The following HEBP2 variants were observed in gnomAD, a reference collection of about 807,000 sequenced individuals.
The protein encoded by HEBP2 is heme binding protein 2, also known as heme-binding protein 2.
Under a neutral mutation model 23.1 loss-of-function variants are expected in HEBP2, and 27 were observed. The ratio of observed to expected loss-of-function variants is 1.17; its 90% CI spans 0.86 to 1.61. The LOEUF (loss-of-function observed/expected upper bound fraction) is 1.61. Ranked by LOEUF, HEBP2 falls within the 40% of genes most tolerant of loss-of-function variation. HEBP2 has a pLI of 0.00. For missense variants in HEBP2, 245 were observed against 253.8 expected, an observed-to-expected ratio of 0.97 and a Z score of 0.24; for synonymous variants, 99 against 95.1, an observed-to-expected ratio of 1.04 and a Z score of -0.24.
upstream of HEBP2, chr6:138,404,115 A>C (rs1158712776): frequency 2.8e-5 from 6 of 215,922 alleles, no homozygotes; most frequent in Non-Finnish European, 4.5e-5. Flanking sequence ...AAACAGCGCC[A>C]CCCCCTACTG....
Position 138,404,339 on chromosome 6 carries a change from T to G in HEBP2, c.-157T>G. 2.6e-6 allele frequency: 1 copy of G among 392,032 alleles called. No individual in the cohort carries two copies. Among genetic ancestry groups the G allele is most frequent in the Non-Finnish European group, 4.2e-6 (1 of 235,450 alleles). 24.3% of individuals were successfully genotyped at this position (392,032 alleles called of 1,614,324 possible). A position where few individuals can be genotyped will look rare whatever the true frequency, so the allele number is the denominator to read the frequency against. The stretch of plus-strand genomic sequence containing the variant: ...CCCTCGCGGTCCAGAGGCAGACGCA[T>G]CGGGTGGGCTCGGGTCTCCAGCCCG... On this transcript the variant is annotated 5_prime_UTR_variant, in exon 1 of 4. Coordinates refer to ENST00000607197, the MANE Select transcript of HEBP2 (RefSeq NM_014320.3).
chr6:138,412,905 C>CAAAAG lies in HEBP2; in HGVS notation c.448_452dup (p.Asn151LysfsTer8). On this transcript the variant is annotated frameshift_variant, in exon 4 of 4. Coordinates refer to ENST00000607197, the MANE Select transcript of HEBP2 (RefSeq NM_014320.3). LOFTEE classifies it high-confidence loss of function. ...GTCTTTCGATGGATTTTCTAGTGCC[C>CAAAAG]AAAAGAATCAAGAACAACTTTTGAC... 6.2e-7 allele frequency: 1 copy of CAAAAG among 1,613,800 alleles called. No homozygotes were observed. Among genetic ancestry groups the CAAAAG allele is most frequent in the South Asian group, 1.1e-5 (1 of 91,052 alleles).
At position 138,416,319 on chromosome 6, in the gene HEBP2, CTGAA is replaced by C. The variant is rs1336605075; in HGVS notation, c.*3244_*3247del. On this transcript the variant is annotated 3_prime_UTR_variant, in exon 4 of 4. Transcript: ENST00000607197. ...AAGAGTGATCAAAATGTTGAAATGC[CTGAA>C]TGGCTGGGACAAACAATAGAGAAAG... 6.6e-6 allele frequency: 1 copy of C among 152,284 alleles called. No individual in the cohort carries two copies. The allele number at this position is 152,284 out of a possible 1,614,324, so 9.4% of individuals were successfully genotyped here.
intron 2 of HEBP2, 107 bp from the exon 3 acceptor site, chr6:138,405,864 A>G: frequency 1.1e-6 from 1 of 902,544 alleles, no homozygotes; most frequent in Non-Finnish European, 1.7e-6. Context: ...AAAGGTAAAT[A>G]TGTCAACAAT....
chr6:138,406,200 G>C (rs372293964), intron 3 of HEBP2, 49 bp downstream of exon 3: 8 of 1,508,720 alleles, frequency 5.3e-6, no homozygotes, highest in Non-Finnish European at 5.5e-6. Flanking sequence ...TTTTACTTGC[G>C]TGCACTCACA....
rs372443357 is a variant in HEBP2, at chr6:138,421,282, C to T, written c.*8204C>T. The T allele has an allele frequency of 7.2e-5, 11 of 152,316 alleles. No homozygotes were observed. In the East Asian group the frequency reaches 2.1e-3, roughly 29 times the overall value. The allele number at this position is 152,316 out of a possible 1,614,324, so 9.4% of individuals were successfully genotyped here. ...CCAAGAAAGCCACTCTTTCCCCTCT[C>T]CTCCTAAGATGCCACCACAGAGCAG... On this transcript the variant is annotated 3_prime_UTR_variant, in exon 4 of 4. Transcript: ENST00000607197.
chr6:138,409,487 A>G (rs890605908), intron 3 of HEBP2, among the ~76,000 whole-genome samples: 1 of 152,206 alleles, frequency 6.6e-6, no homozygotes, highest in African/African-American at 2.4e-5. Flanking sequence ...GCACTAAGTC[A>G]TCTTTGTGTA....
rs1297736361 is a variant in HEBP2, at chr6:138,420,899, AACC to A, written c.*7824_*7826del. On this transcript the variant is annotated 3_prime_UTR_variant, in exon 4 of 4. Coordinates refer to ENST00000607197, the MANE Select transcript of HEBP2 (RefSeq NM_014320.3). ...GGATCATGCCCCTCACTGATAGCTC[AACC>A]ACGTTTTCTATCTTTGGGCCTCCTT... 2.6e-5 allele frequency: 4 copies of A among 152,210 alleles called. No individual in the cohort carries two copies. Among genetic ancestry groups the A allele is most frequent in the African/African-American group, 9.7e-5 (4 of 41,446 alleles). The allele number at this position is 152,210 out of a possible 1,614,324, so 9.4% of individuals were successfully genotyped here.
intron 2 of HEBP2, among the ~76,000 whole-genome samples, 189 bp downstream of exon 2, chr6:138,405,469 C>A (rs1274478240): frequency 2.6e-5 from 4 of 152,166 alleles, no homozygotes; most frequent in African/African-American, 7.2e-5. Flanking sequence ...AACCTCTGTT[C>A]TCTGATTTTG....
chr6:138,411,166 C>A (rs958434153), intron 3 of HEBP2, among the ~76,000 whole-genome samples: 2 of 152,234 alleles, frequency 1.3e-5, no homozygotes, highest in African/African-American at 4.8e-5. Context: ...TGCATGTCAG[C>A]AGCTCAGCTA....
rs1054097961 is a variant in HEBP2 at position 138,422,112 on chromosome 6, T to A, written c.*9034T>A. 1 of 152,260 alleles carries A rather than the reference T, an allele frequency of 6.6e-6. No homozygotes were observed. Among genetic ancestry groups the A allele is most frequent in the Non-Finnish European group, 1.5e-5 (1 of 68,050 alleles). 9.4% of individuals were successfully genotyped at this position (152,260 alleles called of 1,614,324 possible). A position where few individuals can be genotyped will look rare whatever the true frequency, so the allele number is the denominator to read the frequency against. On this transcript the variant is annotated 3_prime_UTR_variant, in exon 4 of 4. Coordinates refer to ENST00000607197, the MANE Select transcript of HEBP2 (RefSeq NM_014320.3). The stretch of plus-strand genomic sequence containing the variant: ...TATATTTTTCATTAAAAATGGGGAT[T>A]TAAAAATAGTTTTATAATTAGTGTT...
intron 3 of HEBP2, among the ~76,000 whole-genome samples, chr6:138,409,534 A>T (rs1266768241): frequency 6.6e-6 from 1 of 152,098 alleles, no homozygotes; most frequent in Non-Finnish European, 1.5e-5. Flanking sequence ...TTCCCAATAG[A>T]TACTGGGATG....
In HEBP2 at chr6:138,412,868, T is replaced by C. The variant is rs1774772230; in HGVS notation, c.420-12T>C. On this transcript the variant is annotated splice_polypyrimidine_tract_variant and intron_variant, in intron 3 of 3. Coordinates refer to ENST00000607197, the MANE Select transcript of HEBP2 (RefSeq NM_014320.3). ...TAAAATCATTCACGGTTATTTCCTT[T>C]CTCCTTTGTAGGTCTTTCGATGGAT... The C allele has an allele frequency of 6.2e-7, 1 of 1,607,414 alleles. No homozygotes were observed. Among genetic ancestry groups the C allele is most frequent in the African/African-American group, 1.3e-5 (1 of 74,750 alleles).
intron 2 of HEBP2, 23 bp downstream of exon 2, chr6:138,405,303 T>A (rs760820438): frequency 6.2e-7 from 1 of 1,613,802 alleles, no homozygotes; most frequent in East Asian, 2.2e-5. Flanking sequence ...TTCCTTGTAA[T>A]TATGCATATT....
intron 3 of HEBP2, among the ~76,000 whole-genome samples, chr6:138,411,511 A>G (rs554325949): frequency 5.3e-5 from 8 of 152,216 alleles, no homozygotes; most frequent in Admixed American, 2.0e-4. Context: ...AACACTTGGT[A>G]TTTTTAGATT....
Position 138,413,463 on chromosome 6 carries a change from C to G in HEBP2, c.*385C>G, listed in dbSNP as rs1343400175. 1.2e-5 allele frequency: 2 copies of G among 169,720 alleles called. No homozygotes were observed. Among genetic ancestry groups the G allele is most frequent in the South Asian group, 2.9e-4 (2 of 6,934 alleles). 10.5% of individuals were successfully genotyped at this position (169,720 alleles called of 1,614,324 possible). ...TTAAAATTATTTATCTTGTGTGGAACCCCTAGGCTGTCAGGCCCGGAGAGG... is the reference window on the plus strand; with the variant it reads ...TTAAAATTATTTATCTTGTGTGGAAGCCCTAGGCTGTCAGGCCCGGAGAGG... On this transcript the variant is annotated 3_prime_UTR_variant, in exon 4 of 4. Coordinates refer to ENST00000607197, the MANE Select transcript of HEBP2 (RefSeq NM_014320.3).
chr6:138,417,256 T>C lies in HEBP2; in HGVS notation c.*4178T>C, dbSNP rs1033988171. The C allele has an allele frequency of 6.6e-6, 1 of 152,218 alleles. No individual in the cohort carries two copies. The highest frequency in any genetic ancestry group is 2.4e-5 in the African/African-American group (1 of 41,446). 9.4% of individuals were successfully genotyped at this position (152,218 alleles called of 1,614,324 possible). On this transcript the variant is annotated 3_prime_UTR_variant, in exon 4 of 4. Transcript: ENST00000607197. ...AGACTGACATCCTTGGCAGGCAGAA[T>C]AACCCCTACATTTGTTCCTTGACCT... is the stretch of plus-strand genomic sequence containing the variant.
In HEBP2 at chr6:138,407,282, CAT is replaced by C. The variant is rs1364591427; in HGVS notation, c.419+1134_419+1135del. On this transcript the variant is annotated intron_variant, in intron 3 of 3. Coordinates refer to ENST00000607197, the MANE Select transcript of HEBP2 (RefSeq NM_014320.3). ...CCATCTATGAACCTGTGAAATCAAA[CAT>C]ATTATATGCTTCCAAAATACAATGG... is the stretch of plus-strand genomic sequence containing the variant. 2.6e-5 allele frequency among the ~76,000 whole-genome samples: 4 copies of C among 152,316 alleles called. 1 individual carries two copies. The highest frequency in any genetic ancestry group is 3.4e-3 in the Middle Eastern group (1 of 294).
intron 3 of HEBP2, among the ~76,000 whole-genome samples, chr6:138,409,468 C>G (rs776955663): frequency 2.0e-5 from 3 of 152,222 alleles, no homozygotes; most frequent in South Asian, 2.1e-4. Flanking sequence ...TCTTCCTCTT[C>G]TAGGGACCGC....
Sources: allele counts gnomAD v4.1 joint callset (sites outside exome capture counted in the v4.1 genomes callset), GRCh38; gene constraint gnomAD v4.1.1; transcripts MANE v1.5; gene names NCBI Gene and HGNC (gene_info 2026-07-23, HGNC 2026-07-21).